The following LRFN2 variants were observed in gnomAD, a reference collection of about 807,000 sequenced individuals.
LRFN2 encodes leucine rich repeat and fibronectin type III domain containing 2.
A neutral mutation model predicts 37.3 loss-of-function variants in LRFN2; 18 were observed. The ratio of observed to expected loss-of-function variants is 0.48; its 90% confidence interval spans 0.33 to 0.72. The LOEUF (loss-of-function observed/expected upper bound fraction) is 0.72, where lower values mean the gene tolerates loss of function less well. Ranked by LOEUF, LRFN2 falls within the 30% of genes least tolerant of loss-of-function variation. The pLI, the probability that LRFN2 is intolerant of heterozygous loss-of-function variation, is 0.02. For missense variants in LRFN2, 1,006 were observed against 1,060.7 expected (o/e 0.95, Z 0.72); for synonymous variants, 556 against 466.6 (o/e 1.19, Z -2.47).
intron 1 of LRFN2, among the ~76,000 whole-genome samples, chr6:40,579,204 A>T (rs1258746944): frequency 6.6e-6 from 1 of 152,112 alleles, no homozygotes; most frequent in Non-Finnish European, 1.5e-5. Context: ...CCTTATTGTC[A>T]TGTGCTTAGA....
Position 40,392,121 on chromosome 6 carries a change from G to A in LRFN2, c.2192C>T (p.Ala731Val), listed in dbSNP as rs1180500640. The change falls in exon 3 of 3, where the codon GCT becomes GTT. Residue 731 changes from alanine (A) to valine (V), a missense_variant. Ala to Val is a moderately conservative substitution (Grantham distance 64, BLOSUM62 0). Coordinates refer to ENST00000338305, the MANE Select transcript of LRFN2 (RefSeq NM_020737.3). The surrounding 1 kb of genome is among the most constrained non-coding windows in gnomAD (Gnocchi z 4.7). ...SHSFDMGDFA[A>V]AAAGGVVPGG... ...CGGCACGACCCCTCCCGCCGCCGCA[G>A]CAGCAAAGTCCCCCATGTCGAAGGA... is the stretch of plus-strand genomic sequence containing the variant. 6 of 1,612,960 alleles carry A rather than the reference G, an allele frequency of 3.7e-6. No homozygotes were observed. Among genetic ancestry groups the A allele is most frequent in the Non-Finnish European group, 4.2e-6 (5 of 1,179,554 alleles).
intron 1 of LRFN2, among the ~76,000 whole-genome samples, chr6:40,531,876 C>T (rs1766349707): frequency 6.6e-6 from 1 of 152,194 alleles, no homozygotes; most frequent in Non-Finnish European, 1.5e-5. Flanking sequence ...CACAACCCAT[C>T]AGTGCCACTT....
intron 1 of LRFN2, among the ~76,000 whole-genome samples, chr6:40,486,221 G>A (rs1043312470): frequency 6.6e-6 from 1 of 152,114 alleles, no homozygotes; most frequent in African/African-American, 2.4e-5. Flanking sequence ...GAGTGGGGCT[G>A]GTATGAACTG....
chr6:40,563,081 A>AC (rs1767029745), intron 1 of LRFN2, among the ~76,000 whole-genome samples: 1 of 152,068 alleles, frequency 6.6e-6, no homozygotes, highest in African/African-American at 2.4e-5. Context: ...TTTCAGCCTT[A>AC]CCCATGTCTT....
chr6:40,465,300 A>G (rs1396834317), intron 1 of LRFN2, among the ~76,000 whole-genome samples: 1 of 152,214 alleles, frequency 6.6e-6, no homozygotes, highest in African/African-American at 2.4e-5. Context: ...CTTCTGAACT[A>G]CAGAACCGTC....
chr6:40,510,126 C>A (rs1308186075), intron 1 of LRFN2, among the ~76,000 whole-genome samples: 1 of 149,668 alleles, frequency 6.7e-6, no homozygotes, highest in African/African-American at 2.5e-5. Flanking sequence ...TGCGTGCATG[C>A]GGGTATGCTA....
chr6:40,445,413 G>A (rs1763947444), intron 1 of LRFN2, among the ~76,000 whole-genome samples: 1 of 152,202 alleles, frequency 6.6e-6, no homozygotes, highest in South Asian at 2.1e-4. Context: ...AGAAAAGGAA[G>A]TGGTAAAGAG....
At chr6:40,570,220 A>G (rs573908699) in intron 1 of LRFN2, among the ~76,000 whole-genome samples, 1 of 152,310 alleles carries the variant, frequency 6.6e-6, no homozygotes, top group South Asian at 2.1e-4. Context: ...GTCTCAGCCA[A>G]TCATCAAATA....
intron 1 of LRFN2, among the ~76,000 whole-genome samples, chr6:40,477,497 G>A (rs1261911741): frequency 6.6e-6 from 1 of 152,204 alleles, no homozygotes; most frequent in East Asian, 1.9e-4. Flanking sequence ...TGGCCACAGT[G>A]AGTTATAAAT....
chr6:40,470,902 C>T (rs753157823), intron 1 of LRFN2, among the ~76,000 whole-genome samples: 2 of 152,184 alleles, frequency 1.3e-5, no homozygotes, highest in African/African-American at 4.8e-5. Flanking sequence ...ACCACAGATG[C>T]CTGGAATGTC....
Position 40,433,130 on chromosome 6 carries a change from G to C in LRFN2, c.-17C>G. 1.3e-6 allele frequency: 2 copies of C among 1,515,338 alleles called. No individual in the cohort carries two copies. The highest frequency in any genetic ancestry group is 1.8e-6 in the Non-Finnish European group (2 of 1,133,418). The allele number at this position is 1,515,338 out of a possible 1,614,324, so 93.9% of individuals were successfully genotyped here. A position where few individuals can be genotyped will look rare whatever the true frequency, so the allele number is the denominator to read the frequency against. On this transcript the variant is annotated splice_region_variant and 5_prime_UTR_variant, in exon 2 of 3. Coordinates refer to ENST00000338305, the MANE Select transcript of LRFN2 (RefSeq NM_020737.3). ...GGTCTCCATGGTCTGGTCACTCAGC[G>C]CCTGGAAGGGAGAAACACAAGCTCA...
At chr6:40,560,396 C>A (rs1171209257) in intron 1 of LRFN2, among the ~76,000 whole-genome samples, 1 of 152,132 alleles carries the variant, frequency 6.6e-6, no homozygotes, top group East Asian at 1.9e-4. Flanking sequence ...CCAGTTGAGG[C>A]CAAAGACCCA....
At chr6:40,483,865 C>T (rs1365417655) in intron 1 of LRFN2, among the ~76,000 whole-genome samples, 2 of 152,166 alleles carry the variant, frequency 1.3e-5, no homozygotes, top group African/African-American at 4.8e-5. Flanking sequence ...TGAAAGCATC[C>T]TTGGTTCCAA....
At chr6:40,571,752 C>T (rs182303153) in intron 1 of LRFN2, among the ~76,000 whole-genome samples, 42 of 152,288 alleles carry the variant, frequency 2.8e-4, no homozygotes, top group Admixed American at 2.7e-3. Flanking sequence ...CATGTGATGC[C>T]CCACCTCCAT....
chr6:40,541,894 T>C (rs1766561447), intron 1 of LRFN2, among the ~76,000 whole-genome samples: 1 of 152,224 alleles, frequency 6.6e-6, no homozygotes, highest in Non-Finnish European at 1.5e-5. Flanking sequence ...CATTATGTTA[T>C]GCAAACGCCT....
At chr6:40,463,670 A>ATTTTTTTTTTT (rs66745321) in intron 1 of LRFN2, among the ~76,000 whole-genome samples, 8 of 76,528 alleles carry the variant, frequency 1.0e-4, no homozygotes, top group Admixed American at 2.0e-4. Flanking sequence ...CTTTCTTTCT[A>ATTTTTTTTTTT]TTTTTTTTTT....
intron 1 of LRFN2, among the ~76,000 whole-genome samples, chr6:40,487,436 C>T (rs573214020): frequency 2.0e-5 from 3 of 152,242 alleles, no homozygotes; most frequent in Non-Finnish European, 4.4e-5. Context: ...TGAGTTCTTG[C>T]TTCTTCCCTT....
chr6:40,498,340 G>T (rs1218057379), intron 1 of LRFN2, among the ~76,000 whole-genome samples: 1 of 152,092 alleles, frequency 6.6e-6, no homozygotes, highest in Non-Finnish European at 1.5e-5. Flanking sequence ...ATGGCTGAAG[G>T]GGTCTACAAT....
intron 1 of LRFN2, among the ~76,000 whole-genome samples, chr6:40,556,047 G>A (rs1034570999): frequency 3.9e-5 from 6 of 152,286 alleles, no homozygotes; most frequent in African/African-American, 7.2e-5. Context: ...CACGCCGACC[G>A]TCACTGTCAG....
Sources: allele counts gnomAD v4.1 joint callset (sites outside exome capture counted in the v4.1 genomes callset), GRCh38; gene constraint gnomAD v4.1.1; non-coding constraint Gnocchi (gnomAD v3.1); transcripts MANE v1.5; gene names NCBI Gene and HGNC (gene_info 2026-07-23, HGNC 2026-07-21).